The following DNAH7 variants were observed in gnomAD, a reference collection of about 807,000 sequenced individuals.
DNAH7 encodes dynein axonemal heavy chain 7, also known as axonemal beta dynein heavy chain 7.
A neutral mutation model predicts 444.6 loss-of-function variants in DNAH7; 397 were observed. The ratio of observed to expected loss-of-function variants is 0.89; its 90% CI spans 0.82 to 0.97. The LOEUF (loss-of-function observed/expected upper bound fraction) is 0.97. DNAH7 is among the 50% of genes least tolerant of loss of function. The pLI, the probability that DNAH7 is intolerant of heterozygous loss-of-function variation, is 0.00. For synonymous variants in DNAH7, 1,636 were observed against 1,624.4 expected (o/e 1.01, Z -0.17); for missense variants, 4,902 against 4,800.8 (o/e 1.02, Z -0.62).
chr2:196,000,675 C>T (rs371259486), intron 12 of DNAH7, 29 bp downstream of exon 12: 7 of 1,448,396 alleles, frequency 4.8e-6, no homozygotes, highest in Non-Finnish European at 6.4e-6. Flanking sequence ...TATGCAAATT[C>T]AAGCAATCTT....
intron 61 of DNAH7, among the ~76,000 whole-genome samples, chr2:195,761,036 T>C (rs1359126180): frequency 6.6e-6 from 1 of 151,998 alleles, no homozygotes; most frequent in Non-Finnish European, 1.5e-5. Context: ...TATGTGACCT[T>C]GCAGACAGAG....
At position 195,972,373 on chromosome 2, in the gene DNAH7, C is replaced by G. The variant is rs774617125; in HGVS notation, c.1927G>C (p.Val643Leu). 1.1e-5 allele frequency: 18 copies of G among 1,614,060 alleles called. No individual in the cohort carries two copies. The South Asian group carries it at 1.8e-4, about 16-fold the overall frequency. ...CTCATGTCTGCTGGAGAAAAGTTGACATACTCGATGAGGAAGGCGAGGCAG... is the reference window on the plus strand; with the variant it reads ...CTCATGTCTGCTGGAGAAAAGTTGAGATACTCGATGAGGAAGGCGAGGCAG... ...KNCLAFLIEY[V>L]NFSPADMRLN... The change falls in exon 16 of 65, where the codon GTC (valine) becomes CTC (leucine). Residue 643 changes from valine (V) to leucine (L), a missense_variant. Transcript: ENST00000312428.
chr2:195,861,526 T>C (rs1700014273), intron 42 of DNAH7, among the ~76,000 whole-genome samples, 191 bp downstream of exon 42: 1 of 152,196 alleles, frequency 6.6e-6, no homozygotes, highest in Non-Finnish European at 1.5e-5. Flanking sequence ...TGCTAGGCAA[T>C]GTGCCCATAT....
At chr2:196,030,084 C>T (rs1335142139) in intron 5 of DNAH7, among the ~76,000 whole-genome samples, 1 of 152,158 alleles carries the variant, frequency 6.6e-6, no homozygotes, top group African/African-American at 2.4e-5. Context: ...TTGATAAAGA[C>T]ATACCTGAGA....
intron 44 of DNAH7, 96 bp from the exon 45 acceptor site, chr2:195,856,087 G>A: frequency 1.8e-6 from 2 of 1,108,510 alleles, no homozygotes; most frequent in Non-Finnish European, 2.5e-6. Flanking sequence ...TACTATAACT[G>A]AAAACACTTC....
intron 10 of DNAH7, among the ~76,000 whole-genome samples, chr2:196,004,312 C>A (rs1694226351): frequency 6.6e-6 from 1 of 151,718 alleles, no homozygotes; most frequent in Non-Finnish European, 1.5e-5. Flanking sequence ...AGAGGGCCAG[C>A]CAAGGGTAGT....
intron 12 of DNAH7, among the ~76,000 whole-genome samples, chr2:195,997,237 G>A (rs531105378): frequency 7.2e-5 from 11 of 152,254 alleles, no homozygotes; most frequent in African/African-American, 2.6e-4. Flanking sequence ...TTGGGGCCAC[G>A]CATGGTGGCT....
At chr2:196,023,479 T>C (rs1695502030) in intron 8 of DNAH7, among the ~76,000 whole-genome samples, 1 of 152,252 alleles carries the variant, frequency 6.6e-6, no homozygotes, top group Non-Finnish European at 1.5e-5. Context: ...TTGCTTCTTT[T>C]CTTAAACCTC....
chr2:196,008,427 G>A (rs1694516672), intron 10 of DNAH7, among the ~76,000 whole-genome samples: 1 of 152,096 alleles, frequency 6.6e-6, no homozygotes, highest in Non-Finnish European at 1.5e-5. Context: ...TCACTCCTAG[G>A]TATACAGTCA....
At chr2:195,794,811 T>C (rs1393506948) in intron 56 of DNAH7, among the ~76,000 whole-genome samples, 1 of 152,176 alleles carries the variant, frequency 6.6e-6, no homozygotes, top group African/African-American at 2.4e-5. Flanking sequence ...TTAGAGTTGG[T>C]TAAAATAACT....
chr2:195,791,598 A>G (rs1695881518), intron 57 of DNAH7, among the ~76,000 whole-genome samples: 1 of 152,226 alleles, frequency 6.6e-6, no homozygotes, highest in South Asian at 2.1e-4. Context: ...CAAAAGACAC[A>G]TGAACTCATA....
At chr2:195,938,915 CA>C (rs996782495) in intron 19 of DNAH7, among the ~76,000 whole-genome samples, 2 of 152,062 alleles carry the variant, frequency 1.3e-5, no homozygotes, top group African/African-American at 4.8e-5. Context: ...AGTGAGAAGA[CA>C]AACATAATAA....
At chr2:195,807,648 TAA>T (rs1239839550) in intron 53 of DNAH7, among the ~76,000 whole-genome samples, 1 of 152,106 alleles carries the variant, frequency 6.6e-6, no homozygotes, top group Non-Finnish European at 1.5e-5. Context: ...TGAGAGCTAT[TAA>T]AAAATCACAA....
chr2:195,935,547 G>GA (rs1239259595), intron 20 of DNAH7, among the ~76,000 whole-genome samples: 6 of 152,042 alleles, frequency 3.9e-5, no homozygotes, highest in East Asian at 1.9e-4. Context: ...TCAGCAGTGG[G>GA]AAAAAAACAG....
At chr2:195,882,097 G>T in intron 35 of DNAH7, 105 bp from the exon 36 acceptor site, 1 of 846,228 alleles carries the variant, frequency 1.2e-6, no homozygotes, top group Non-Finnish European at 1.8e-6. Flanking sequence ...ACCCTGATAT[G>T]TATACATTTG....
chr2:195,822,160 A>G (rs1485697600), intron 49 of DNAH7, among the ~76,000 whole-genome samples: 1 of 152,224 alleles, frequency 6.6e-6, no homozygotes, highest in Non-Finnish European at 1.5e-5. Flanking sequence ...CTGCTTTGCC[A>G]TTTATTCATG....
rs778309177 is a variant in DNAH7 at position 195,864,547 on chromosome 2, C to A, written c.7108G>T (p.Gly2370Trp). ...YSVFQVEISK[G>W]YDTTEWHEDL... ...TCATGCCATTCAGTAGTATCATACC[C>A]CTTAGAGATTTCAACTTGGAAAACT... Residue 2370 changes from glycine to tryptophan, a missense_variant, in exon 41 of 65, where the codon GGG becomes TGG. Transcript: ENST00000312428. 1.2e-6 allele frequency: 2 copies of A among 1,614,116 alleles called. No individual in the cohort carries two copies. Among genetic ancestry groups the A allele is most frequent in the Non-Finnish European group, 1.7e-6 (2 of 1,180,028 alleles).
rs77764228 is a variant in DNAH7 at position 195,969,490 on chromosome 2, G to A, written c.2205+458C>T. On this transcript the variant is annotated intron_variant, in intron 17 of 64. Transcript: ENST00000312428. The stretch of plus-strand genomic sequence containing the variant: ...TAATGAAAAAGCTGATTTCTGAAAC[G>A]GTAGTATTGGGAACAAAATTGCTTG... Among the ~76,000 whole-genome samples, 947 of 152,178 alleles carry A rather than the reference G, an allele frequency of 6.2e-3. 10 individuals carry two copies. Among genetic ancestry groups the A allele is most frequent in the African/African-American group, 0.022 (912 of 41,506 alleles).
chr2:195,785,071 C>T (rs1387081076), intron 58 of DNAH7, among the ~76,000 whole-genome samples: 1 of 152,018 alleles, frequency 6.6e-6, no homozygotes, highest in Non-Finnish European at 1.5e-5. Flanking sequence ...GCCATCACGC[C>T]CGGCTAATTT....
Sources: allele counts gnomAD v4.1 joint callset (sites outside exome capture counted in the v4.1 genomes callset), GRCh38; gene constraint gnomAD v4.1.1; transcripts MANE v1.5; gene names NCBI Gene and HGNC (gene_info 2026-07-23, HGNC 2026-07-21).